COLEC10: variants seen among roughly 807,000 people sequenced by gnomAD.
The protein encoded by COLEC10 is collectin subfamily member 10.
In COLEC10, 22 loss-of-function variants were observed where a neutral mutation model predicts 28.4. The ratio of observed to expected loss-of-function variants is 0.78; its 90% CI spans 0.55 to 1.11. COLEC10 has a LOEUF of 1.11. Among genes scored for constraint, COLEC10 ranks in the 50% least tolerant of loss-of-function variants. The pLI is 0.00. For missense variants in COLEC10, 361 were observed against 344.1 expected (o/e 1.05, Z -0.39); for synonymous variants, 125 against 116.1 (o/e 1.08, Z -0.49).
intron 2 of COLEC10, among the ~76,000 whole-genome samples, chr8:119,013,621 T>G (rs1813938528): frequency 1.3e-5 from 2 of 150,874 alleles, no homozygotes; most frequent in Admixed American, 1.3e-4. Flanking sequence ...TTCTTCTTGA[T>G]GTTTTATTGC....
the COLEC10 span, among the ~76,000 whole-genome samples, chr8:118,980,534 C>A: frequency 1.3e-5 from 2 of 151,818 alleles, no homozygotes; most frequent in African/African-American, 4.8e-5. Flanking sequence ...TTTTTTTATA[C>A]CTGTCATCAA....
At chr8:119,088,463 A>C (rs1206059752) in intron 1 of COLEC10, among the ~76,000 whole-genome samples, 2 of 152,170 alleles carry the variant, frequency 1.3e-5, no homozygotes, top group African/African-American at 4.8e-5. Context: ...AACATTCTGC[A>C]CTCAGAAAAA....
chr8:118,965,179 G>A, the COLEC10 span, among the ~76,000 whole-genome samples: 7 of 151,664 alleles, frequency 4.6e-5, no homozygotes, highest in African/African-American at 1.7e-4. Flanking sequence ...ATTATTATAA[G>A]ATACAGAGGC....
intron 3 of COLEC10, among the ~76,000 whole-genome samples, chr8:119,092,804 G>A (rs555434317): frequency 6.6e-6 from 1 of 152,226 alleles, no homozygotes; most frequent in South Asian, 2.1e-4. Flanking sequence ...TACTGGGGAG[G>A]CTAAGGTACA....
chr8:119,012,436 G>A (rs1586997302), intron 2 of COLEC10, among the ~76,000 whole-genome samples: 1 of 150,292 alleles, frequency 6.7e-6, no homozygotes, highest in Non-Finnish European at 1.5e-5. Flanking sequence ...TTTTTTTCTT[G>A]TAAGGTCTTG....
the COLEC10 span, among the ~76,000 whole-genome samples, chr8:118,989,156 T>G: frequency 2.6e-5 from 4 of 152,174 alleles, 1 homozygote; most frequent in South Asian, 6.2e-4. Flanking sequence ...AGCAGAGAGA[T>G]ATTCTAAGAA....
At chr8:119,029,368 C>A (rs1245521608) in intron 2 of COLEC10, among the ~76,000 whole-genome samples, 1 of 152,178 alleles carries the variant, frequency 6.6e-6, no homozygotes, top group Non-Finnish European at 1.5e-5. Context: ...AGTCTTCAGT[C>A]TCTGAATCTG....
intron 5 of COLEC10, among the ~76,000 whole-genome samples, chr8:119,104,133 G>T (rs1438521025): frequency 6.6e-6 from 1 of 152,060 alleles, no homozygotes; most frequent in African/African-American, 2.4e-5. Context: ...GACTTTCTTA[G>T]GTGAGGGGAA....
At chr8:119,085,411 T>G (rs1815454242) in intron 1 of COLEC10, among the ~76,000 whole-genome samples, 2 of 152,070 alleles carry the variant, frequency 1.3e-5, no homozygotes, top group Admixed American at 1.3e-4. Flanking sequence ...GTAAGAGGTA[T>G]GGGGCATAAT....
intron 1 of COLEC10, among the ~76,000 whole-genome samples, chr8:119,082,670 A>C (rs1815392067): frequency 6.6e-6 from 1 of 152,232 alleles, no homozygotes. Flanking sequence ...TGAACTGACG[A>C]GGTACAAGAA....
chr8:118,966,922 T>C, the COLEC10 span, among the ~76,000 whole-genome samples: 2 of 152,266 alleles, frequency 1.3e-5, no homozygotes, highest in East Asian at 1.9e-4. Context: ...ATATTTCTAT[T>C]GTAAATCAGT....
At chr8:119,084,408 C>A (rs1456407709) in intron 1 of COLEC10, among the ~76,000 whole-genome samples, 16 of 152,182 alleles carry the variant, frequency 1.1e-4, no homozygotes, top group Non-Finnish European at 1.5e-5. Flanking sequence ...TTCTTCCAAC[C>A]ACTCTGTCCA....
At chr8:119,037,752 C>T (rs1814414778) in intron 2 of COLEC10, among the ~76,000 whole-genome samples, 1 of 152,324 alleles carries the variant, frequency 6.6e-6, no homozygotes, top group South Asian at 2.1e-4. Flanking sequence ...CCTGTGCATC[C>T]TATGCACTTA....
chr8:119,067,909 GA>G (rs2130217836), intron 1 of COLEC10: 1 of 152,552 alleles, frequency 6.6e-6, no homozygotes, highest in African/African-American at 2.4e-5. Context: ...TTCCAACGTA[GA>G]GGATGGAAAC....
At chr8:119,010,592 A>G (rs1459090562) in intron 2 of COLEC10, among the ~76,000 whole-genome samples, 1 of 151,004 alleles carries the variant, frequency 6.6e-6, no homozygotes, top group Non-Finnish European at 1.5e-5. Flanking sequence ...ACTGTTTCCA[A>G]AGTAGTTATA....
At chr8:118,980,932 T>A in the COLEC10 span, among the ~76,000 whole-genome samples, 1 of 151,832 alleles carries the variant, frequency 6.6e-6, no homozygotes. Context: ...TAGGGCAAAC[T>A]TTGTTACTTC....
chr8:119,103,949 T>A, intron 5 of COLEC10, 54 bp downstream of exon 5: 1 of 1,143,014 alleles, frequency 8.7e-7, no homozygotes, highest in Non-Finnish European at 1.3e-6. Context: ...CCATCAACAC[T>A]ACAATTCCAG....
chr8:119,064,477 G>A (rs1045424207), upstream of COLEC10, among the ~76,000 whole-genome samples: 2 of 152,126 alleles, frequency 1.3e-5, no homozygotes, highest in Non-Finnish European at 2.9e-5. Flanking sequence ...AATTTAAAGA[G>A]TATCAATTTT....
chr8:118,963,267 G>A, the COLEC10 span, among the ~76,000 whole-genome samples: 1 of 152,204 alleles, frequency 6.6e-6, no homozygotes, highest in African/African-American at 2.4e-5. Flanking sequence ...ATTAGGAAAT[G>A]AGACTCAGTA....
Sources: allele counts gnomAD v4.1 joint callset (sites outside exome capture counted in the v4.1 genomes callset), GRCh38; gene constraint gnomAD v4.1.1; transcripts MANE v1.5; gene names NCBI Gene and HGNC (gene_info 2026-07-23, HGNC 2026-07-21).